IL10RB: variants seen among roughly 807,000 people sequenced by gnomAD.
IL10RB encodes the protein interleukin-10 receptor subunit beta.
IL10RB carries 30 observed loss-of-function variants against 38.7 expected under a neutral mutation model. The observed-to-expected ratio is 0.78, with a 90% confidence interval of 0.58 to 1.05. The LOEUF is 1.05. Among genes scored for constraint, IL10RB ranks in the 50% least tolerant of loss-of-function variants. IL10RB has a pLI of 0.00. For synonymous variants in IL10RB, 142 were observed against 145.9 expected, an observed-to-expected ratio of 0.97 and a Z score of 0.19; for missense variants, 328 against 397.1, an observed-to-expected ratio of 0.83 and a Z score of 1.48.
chr21:33,291,763 C>G (rs1025219136), intron 6 of IL10RB, among the ~76,000 whole-genome samples: 16 of 152,194 alleles, frequency 1.1e-4, no homozygotes, highest in Non-Finnish European at 1.8e-4. Flanking sequence ...ACGTCATCAG[C>G]TTGCTACCAG....
At chr21:33,266,637 G>A in intron 1 of IL10RB, 123 bp downstream of exon 1, 2 of 950,088 alleles carry the variant, frequency 2.1e-6, no homozygotes, top group Non-Finnish European at 3.2e-6. Flanking sequence ...CGGGAGAGAA[G>A]ATGCAAACGC....
chr21:33,278,674 C>A (rs1989224647), intron 3 of IL10RB, among the ~76,000 whole-genome samples: 1 of 152,176 alleles, frequency 6.6e-6, no homozygotes, highest in South Asian at 2.1e-4. Flanking sequence ...CTTCTGTGCT[C>A]TTAGCAACTA....
chr21:33,301,074 C>T (rs1281267925), downstream of IL10RB, among the ~76,000 whole-genome samples: 1 of 152,204 alleles, frequency 6.6e-6, no homozygotes, highest in Non-Finnish European at 1.5e-5. Context: ...AACTTAGTAT[C>T]TTACTCTTCT....
At position 33,276,667 on chromosome 21, in the gene IL10RB, A is replaced by G. The variant is rs868071621; in HGVS notation, c.245A>G (p.Tyr82Cys). 4 of 1,613,192 alleles carry G rather than the reference A, an allele frequency of 2.5e-6. No individual in the cohort carries two copies. The highest frequency in any genetic ancestry group is 1.7e-6 in the Non-Finnish European group (2 of 1,179,092). ...TGTGATTTCTCAAGTCTTTCCAAGT[A>G]TGGTGACCACACCTTGAGAGTCAGG... Reference protein sequence around the residue: ...TECDFSSLSKYGDHTLRVRAE... With the variant: ...TECDFSSLSKCGDHTLRVRAE... Residue 82 changes from tyrosine to cysteine, a missense_variant, in exon 3 of 7, where the codon TAT becomes TGT. Transcript: ENST00000290200.
At chr21:33,277,265 G>A (rs1231105196) in intron 3 of IL10RB, among the ~76,000 whole-genome samples, 1 of 151,672 alleles carries the variant, frequency 6.6e-6, no homozygotes, top group Non-Finnish European at 1.5e-5. Context: ...CCCAGGTTAG[G>A]TGGAGATTGC....
chr21:33,271,848 T>C (rs1989086890), intron 2 of IL10RB, among the ~76,000 whole-genome samples: 1 of 152,140 alleles, frequency 6.6e-6, no homozygotes, highest in Non-Finnish European at 1.5e-5. Context: ...TCCCAGTACT[T>C]TGGGGGGCCA....
In IL10RB at chr21:33,274,488, T is replaced by C. The variant is rs1205719298; in HGVS notation, c.174-2108T>C. Among the ~76,000 whole-genome samples the C allele has an allele frequency of 3.9e-5, 6 of 152,322 alleles. No individual in the cohort carries two copies. In the East Asian group the frequency reaches 1.2e-3, roughly 29 times the overall value. ...TGTGCCCAGCTTCAAAATATATTTC[T>C]TAAATAATAAGATTTGAAAGTCGAA... is the stretch of plus-strand genomic sequence containing the variant. On this transcript the variant is annotated intron_variant, in intron 2 of 6. Coordinates refer to ENST00000290200, the MANE Select transcript of IL10RB (RefSeq NM_000628.5).
intron 3 of IL10RB, among the ~76,000 whole-genome samples, chr21:33,278,566 A>C (rs1007490624): frequency 6.6e-6 from 1 of 152,180 alleles, no homozygotes; most frequent in African/African-American, 2.4e-5. Flanking sequence ...CATCCATGGA[A>C]GTTCCCTTTA....
In IL10RB at chr21:33,268,537, T is replaced by A. The variant is rs1989016597; in HGVS notation, c.173+20T>A. ...CCTAAGGTGGGTCTGGCCTCACTATTGGCAGGAACGCACCGGAGGAGCCAG... is the reference window on the plus strand; with the variant it reads ...CCTAAGGTGGGTCTGGCCTCACTATAGGCAGGAACGCACCGGAGGAGCCAG... On this transcript the variant is annotated intron_variant, in intron 2 of 6. Coordinates refer to ENST00000290200, the MANE Select transcript of IL10RB (RefSeq NM_000628.5). The A allele has an allele frequency of 6.4e-6, 10 of 1,573,792 alleles. No homozygotes were observed. The highest frequency in any genetic ancestry group is 8.7e-6 in the Non-Finnish European group (10 of 1,143,564).
chr21:33,276,523 AT>A, intron 2 of IL10RB, 72 bp from the exon 3 acceptor site: 1 of 1,292,688 alleles, frequency 7.7e-7, no homozygotes, highest in Non-Finnish European at 1.1e-6. Flanking sequence ...CCCCCTCCAA[AT>A]TAAGTACCAG....
At chr21:33,268,289 G>A (rs1989010526) in intron 1 of IL10RB, 105 bp from the exon 2 acceptor site, 22 of 1,583,648 alleles carry the variant, frequency 1.4e-5, no homozygotes, top group Non-Finnish European at 1.8e-5. Flanking sequence ...CGTGGCCTTT[G>A]AAGACATGGA....
chr21:33,266,533 G>A lies in IL10RB; in HGVS notation c.49+19G>A, dbSNP rs559874353. On this transcript the variant is annotated intron_variant, in intron 1 of 6. Coordinates refer to ENST00000290200, the MANE Select transcript of IL10RB (RefSeq NM_000628.5). ...GTGTCAGGTGAGGGGTCCGCGGGGA[G>A]GGGGCGCGCTTGGGAACCGGGAGGC... 34 of 1,540,700 alleles carry A rather than the reference G, an allele frequency of 2.2e-5. No individual in the cohort carries two copies. In the South Asian group the frequency reaches 3.8e-4, roughly 17 times the overall value.
chr21:33,303,350 C>CTTTTTTTTTTTTT (rs11340111), intron 1 of IL10RB, among the ~76,000 whole-genome samples: 1 of 109,972 alleles, frequency 9.1e-6, no homozygotes, highest in Non-Finnish European at 1.8e-5. Context: ...CTGTTACTTT[C>CTTTTTTTTTTTTT]TTTTTTTTTT....
intron 3 of IL10RB, among the ~76,000 whole-genome samples, chr21:33,277,284 G>A (rs1441656501): frequency 2.0e-5 from 3 of 150,846 alleles, no homozygotes; most frequent in Non-Finnish European, 4.4e-5. Flanking sequence ...GCAGTGAGCC[G>A]AGATCACGCC....
chr21:33,271,250 A>G (rs1989073864), intron 2 of IL10RB, among the ~76,000 whole-genome samples: 1 of 152,216 alleles, frequency 6.6e-6, no homozygotes, highest in Non-Finnish European at 1.5e-5. Flanking sequence ...AGCATGAGCA[A>G]TTGCACAGCA....
At chr21:33,272,860 C>T (rs1660815645) in intron 2 of IL10RB, among the ~76,000 whole-genome samples, 2 of 152,224 alleles carry the variant, frequency 1.3e-5, no homozygotes, top group African/African-American at 4.8e-5. Flanking sequence ...CCCTAGCATC[C>T]AACAGGCATG....
chr21:33,304,991 T>A (rs1280744170), intron 1 of IL10RB, among the ~76,000 whole-genome samples: 1 of 152,180 alleles, frequency 6.6e-6, no homozygotes, highest in Non-Finnish European at 1.5e-5. Context: ...CCTCCACAGT[T>A]CCTTACATAA....
At chr21:33,288,663 G>C (rs1029505013) in intron 6 of IL10RB, among the ~76,000 whole-genome samples, 1 of 152,176 alleles carries the variant, frequency 6.6e-6, no homozygotes, top group African/African-American at 2.4e-5. Context: ...CAGAGGGAGA[G>C]AATGGGAGGA....
intron 6 of IL10RB, among the ~76,000 whole-genome samples, chr21:33,294,752 G>T (rs956010979): frequency 6.6e-6 from 1 of 152,216 alleles, no homozygotes; most frequent in Non-Finnish European, 1.5e-5. Context: ...TAGGGAAAGG[G>T]TTCAAGATGC....
Sources: gnomAD v4.1 joint callset for allele counts (sites outside exome capture counted in the v4.1 genomes callset) on GRCh38, gnomAD v4.1.1 for gene constraint, MANE v1.5 for transcripts, NCBI Gene and HGNC (gene_info 2026-07-23, HGNC 2026-07-21) for gene names.